Variants in ENTHD1 observed in about 807,000 individuals in gnomAD.
ENTHD1 encodes the protein ENTH domain containing 1, also known as ENTH domain-containing protein 1.
A neutral mutation model predicts 39.1 loss-of-function variants in ENTHD1; 23 were observed. The ratio of observed to expected loss-of-function variants is 0.59; its 90% CI spans 0.42 to 0.83. ENTHD1 has a LOEUF of 0.83. Ranked by LOEUF, ENTHD1 falls within the 40% of genes least tolerant of loss-of-function variation. ENTHD1 has a pLI of 0.00. For synonymous variants in ENTHD1, 230 were observed against 258.2 expected (o/e 0.89, Z 1.05); for missense variants, 624 against 705.4 (o/e 0.88, Z 1.31).
chr22:39,792,043 C>T (rs1241862845), intron 5 of ENTHD1, among the ~76,000 whole-genome samples: 3 of 152,152 alleles, frequency 2.0e-5, no homozygotes, highest in Non-Finnish European at 2.9e-5. Context: ...CAGCTCCAAC[C>T]ATGTTCCTGC....
chr22:39,805,637 CCCAAAGTTATGATG>C (rs1335015945), intron 5 of ENTHD1, among the ~76,000 whole-genome samples: 1 of 152,138 alleles, frequency 6.6e-6, no homozygotes, highest in Non-Finnish European at 1.5e-5. Context: ...TTCCCCCATC[CCCAAAGTTATGATG>C]CCAAGCAGGT....
intron 4 of ENTHD1, among the ~76,000 whole-genome samples, chr22:39,827,293 G>A (rs942647199): frequency 1.3e-5 from 2 of 152,082 alleles, no homozygotes; most frequent in Non-Finnish European, 2.9e-5. Flanking sequence ...GGGATTACAG[G>A]CATGAACCAG....
intron 2 of ENTHD1, among the ~76,000 whole-genome samples, chr22:39,877,957 C>T (rs2066305191): frequency 6.6e-6 from 1 of 152,074 alleles, no homozygotes; most frequent in African/African-American, 2.4e-5. Flanking sequence ...GGAGACAGAA[C>T]AAGTAACAAA....
At position 39,815,300 on chromosome 22, in the gene ENTHD1, G is replaced by A. The variant is rs1366855566; in HGVS notation, c.832+5693C>T. On this transcript the variant is annotated intron_variant, in intron 5 of 6. Coordinates refer to ENST00000325157, the MANE Select transcript of ENTHD1 (RefSeq NM_152512.4). ...TCTATTAAAAACACAAAAATTAGCA[G>A]GGCGTGGTGGTGCGCGCCTATAATC... 4.6e-5 allele frequency among the ~76,000 whole-genome samples: 7 copies of A among 152,054 alleles called. No homozygotes were observed. The East Asian group carries it at 1.3e-3, about 29-fold the overall frequency.
rs576491553 is a variant in ENTHD1 at position 39,816,312 on chromosome 22, G to A, written c.832+4681C>T. ...GTATTTTAGAATCTGTGTCAAATCA[G>A]GGAAAAATATAAAGTCTATTTTATT... is the stretch of plus-strand genomic sequence containing the variant. On this transcript the variant is annotated intron_variant, in intron 5 of 6. Coordinates refer to ENST00000325157, the MANE Select transcript of ENTHD1 (RefSeq NM_152512.4). Among the ~76,000 whole-genome samples the A allele has an allele frequency of 5.4e-4, 82 of 152,212 alleles. 1 individual carries two copies. The highest frequency in any genetic ancestry group is 1.9e-3 in the African/African-American group (79 of 41,544).
chr22:39,793,816 A>G (rs1338369878), intron 5 of ENTHD1, among the ~76,000 whole-genome samples: 2 of 152,166 alleles, frequency 1.3e-5, no homozygotes, highest in Non-Finnish European at 1.5e-5. Flanking sequence ...CCATTGGTCT[A>G]TGTGTCTGTT....
chr22:39,857,291 A>T (rs868084018), intron 3 of ENTHD1, among the ~76,000 whole-genome samples: 127 of 151,686 alleles, frequency 8.4e-4, no homozygotes, highest in African/African-American at 3.0e-3. Flanking sequence ...TAAAATACAA[A>T]ATTAGCCAGG....
Position 39,765,210 on chromosome 22 carries a change from T to TG in ENTHD1, c.1219+12_1219+13insC. On this transcript the variant is annotated intron_variant, in intron 6 of 6. Coordinates refer to ENST00000325157, the MANE Select transcript of ENTHD1 (RefSeq NM_152512.4). ...TGTGTGTGTGTGTGTGTGTGTGTGT[T>TG]TGGCAGACTCACCCCGTGTGGTTGT... 1 of 1,491,126 alleles carries TG rather than the reference T, an allele frequency of 6.7e-7. No individual in the cohort carries two copies. The highest frequency in any genetic ancestry group is 2.0e-5 in the Admixed American group (1 of 50,350). The allele number at this position is 1,491,126 out of a possible 1,614,324, so 92.4% of individuals were successfully genotyped here.
intron 3 of ENTHD1, among the ~76,000 whole-genome samples, chr22:39,861,078 G>A (rs903492820): frequency 2.6e-5 from 4 of 152,098 alleles, no homozygotes; most frequent in East Asian, 1.9e-4. Flanking sequence ...GACCTCATAC[G>A]CACATAACTA....
At chr22:39,863,017 G>A (rs1482778523) in intron 2 of ENTHD1, among the ~76,000 whole-genome samples, 1 of 152,204 alleles carries the variant, frequency 6.6e-6, no homozygotes, top group Non-Finnish European at 1.5e-5. Context: ...AGAGGATGCA[G>A]CATCAAGGCG....
intron 2 of ENTHD1, among the ~76,000 whole-genome samples, chr22:39,879,271 G>A (rs934601699): frequency 1.3e-5 from 2 of 151,430 alleles, no homozygotes; most frequent in African/African-American, 4.9e-5. Context: ...GACCATCCTG[G>A]CTAACATGGT....
At chr22:39,884,271 T>C (rs1002174413) in intron 2 of ENTHD1, among the ~76,000 whole-genome samples, 2 of 151,856 alleles carry the variant, frequency 1.3e-5, no homozygotes, top group Non-Finnish European at 2.9e-5. Context: ...CTTCACCTCC[T>C]AGGTTCAAGC....
chr22:39,829,379 CA>C (rs71721601), intron 4 of ENTHD1, among the ~76,000 whole-genome samples: 19,293 of 109,286 alleles, frequency 0.18, 1,323 homozygotes, highest in East Asian at 0.26. Flanking sequence ...AAGACAGATA[CA>C]AAAAAAAAAA....
chr22:39,853,630 G>C (rs1031549579), intron 3 of ENTHD1, among the ~76,000 whole-genome samples: 2 of 152,318 alleles, frequency 1.3e-5, no homozygotes, highest in East Asian at 1.9e-4. Flanking sequence ...CTGGAGTACA[G>C]TGGCGTGATC....
chr22:39,809,354 G>C (rs929693261), intron 5 of ENTHD1, among the ~76,000 whole-genome samples: 1 of 152,184 alleles, frequency 6.6e-6, no homozygotes, highest in East Asian at 1.9e-4. Flanking sequence ...GTCAGATGCT[G>C]ATAAGTGCTA....
intron 5 of ENTHD1, among the ~76,000 whole-genome samples, chr22:39,801,831 G>A (rs2065600884): frequency 6.6e-6 from 1 of 151,850 alleles, no homozygotes; most frequent in Admixed American, 6.6e-5. Context: ...AGTAATGAAA[G>A]GTTCAGATTT....
intron 5 of ENTHD1, among the ~76,000 whole-genome samples, chr22:39,782,793 G>T (rs557001528): frequency 6.6e-6 from 1 of 151,910 alleles, no homozygotes; most frequent in East Asian, 1.9e-4. Flanking sequence ...CATAATAAAG[G>T]CCATATATAA....
At chr22:39,809,643 C>T (rs973921460) in intron 5 of ENTHD1, among the ~76,000 whole-genome samples, 10 of 152,178 alleles carry the variant, frequency 6.6e-5, no homozygotes, top group Non-Finnish European at 1.2e-4. Context: ...TTGGAGGACA[C>T]TCTGTTCACT....
chr22:39,824,411 G>A (rs1294081511), intron 4 of ENTHD1, among the ~76,000 whole-genome samples: 4 of 151,444 alleles, frequency 2.6e-5, no homozygotes, highest in Non-Finnish European at 5.9e-5. Flanking sequence ...GGGTTTTACC[G>A]TGTTGGCCAG....
Sources: allele counts gnomAD v4.1 joint callset (sites outside exome capture counted in the v4.1 genomes callset), GRCh38; gene constraint gnomAD v4.1.1; transcripts MANE v1.5; gene names NCBI Gene and HGNC (gene_info 2026-07-23, HGNC 2026-07-21).